CNTFR: variants seen among roughly 807,000 people sequenced by gnomAD.
The protein encoded by CNTFR is ciliary neurotrophic factor receptor subunit alpha.
A neutral mutation model predicts 40.4 loss-of-function variants in CNTFR; 12 were observed. The ratio of observed to expected loss-of-function variants is 0.30; its 90% CI spans 0.19 to 0.48. The LOEUF is 0.48. CNTFR is among the 20% of genes least tolerant of loss of function. CNTFR has a pLI of 0.99. For synonymous variants in CNTFR, 202 were observed against 209.6 expected, an observed-to-expected ratio of 0.96 and a Z score of 0.31; for missense variants, 414 against 506.8, an observed-to-expected ratio of 0.82 and a Z score of 1.76.
intron 3 of CNTFR, among the ~76,000 whole-genome samples, chr9:34,566,698 G>A (rs1412190923): frequency 2.0e-5 from 3 of 152,172 alleles, no homozygotes; most frequent in African/African-American, 4.8e-5. Context: ...GGTCCCAGCA[G>A]CAACACATCA....
rs754474196 is a variant in CNTFR at position 34,557,561 on chromosome 9, T to C, written c.569A>G (p.Asn190Ser). ...CTCGTCAAAGGTGATAGCTGTGGCA[T>C]TGTGGCCCAGGGCATTGCTGACACT... ...SISVSNALGH[N>S]ATAITFDEFT... The change falls in exon 6 of 10, where the codon AAT (asparagine) becomes AGT (serine). Residue 190 changes from asparagine to serine, a missense_variant. This residue lies in a region of CNTFR where 250 missense variants were observed against 269.5 expected (regional missense o/e 0.93). Coordinates refer to ENST00000378980, the MANE Select transcript of CNTFR (RefSeq NM_147164.3). The surrounding 1 kb of genome is among the most constrained non-coding windows in gnomAD (Gnocchi z 4.2). 1.9e-6 allele frequency: 3 copies of C among 1,614,126 alleles called. No individual in the cohort carries two copies. Among genetic ancestry groups the C allele is most frequent in the East Asian group, 2.2e-5 (1 of 44,880 alleles).
chr9:34,554,455 C>T (rs906917016), intron 7 of CNTFR, among the ~76,000 whole-genome samples: 43 of 152,180 alleles, frequency 2.8e-4, no homozygotes, highest in Non-Finnish European at 5.4e-4. Context: ...CAGGATCCTT[C>T]TTGCTAGGTT....
At chr9:34,570,573 A>G (rs551051036) in intron 2 of CNTFR, among the ~76,000 whole-genome samples, 1 of 152,316 alleles carries the variant, frequency 6.6e-6, no homozygotes, top group African/African-American at 2.4e-5. Flanking sequence ...TTGAGAGAAG[A>G]GCCAGAGCCA....
intron 7 of CNTFR, among the ~76,000 whole-genome samples, chr9:34,555,116 G>A (rs892764760): frequency 3.3e-5 from 5 of 152,236 alleles, no homozygotes; most frequent in East Asian, 1.9e-4. Context: ...CGCGACGCGC[G>A]GGGCTGCTGC....
intron 4 of CNTFR, among the ~76,000 whole-genome samples, chr9:34,563,422 G>A (rs549885349): frequency 3.3e-5 from 5 of 152,338 alleles, no homozygotes; most frequent in Non-Finnish European, 5.9e-5. Context: ...TCAGGTGCAC[G>A]TTCTGCATCT....
rs971028514 is a variant in CNTFR, at chr9:34,581,199, C to T, written c.-105G>A. 1 of 152,844 alleles carries T rather than the reference C, an allele frequency of 6.5e-6. No homozygotes were observed. Among genetic ancestry groups the T allele is most frequent in the African/African-American group, 2.4e-5 (1 of 41,442 alleles). 9.5% of individuals were successfully genotyped at this position (152,844 alleles called of 1,614,324 possible). ...AAGGGGGCAAGATGAGGTGACAAGGCTAGAGTCTAGAAGGGCAAAGGGCAC... is the reference window on the plus strand; with the variant it reads ...AAGGGGGCAAGATGAGGTGACAAGGTTAGAGTCTAGAAGGGCAAAGGGCAC... On this transcript the variant is annotated 5_prime_UTR_variant, in exon 2 of 10. Coordinates refer to ENST00000378980, the MANE Select transcript of CNTFR (RefSeq NM_147164.3).
intron 2 of CNTFR, among the ~76,000 whole-genome samples, chr9:34,576,902 C>T (rs764039642): frequency 9.2e-5 from 14 of 152,222 alleles, no homozygotes; most frequent in South Asian, 2.1e-4. Context: ...AACTGTCTAG[C>T]GGGCACCCAG....
chr9:34,561,158 T>G (rs1826056892), intron 4 of CNTFR, among the ~76,000 whole-genome samples: 1 of 152,070 alleles, frequency 6.6e-6, no homozygotes, highest in African/African-American at 2.4e-5. Context: ...GCATTCCAAC[T>G]TCTGGACTCC....
At chr9:34,590,333 C>A (rs1365979964), upstream of CNTFR, among the ~76,000 whole-genome samples, 1 of 152,216 alleles carries the variant, frequency 6.6e-6, no homozygotes. Context: ...GCACCGACTC[C>A]CTGGCACACC....
chr9:34,561,491 C>T (rs931359186), intron 4 of CNTFR, among the ~76,000 whole-genome samples: 3 of 152,084 alleles, frequency 2.0e-5, no homozygotes, highest in African/African-American at 4.8e-5. Flanking sequence ...GGGGTCCTTC[C>T]GTCATCCTAG....
intron 2 of CNTFR, among the ~76,000 whole-genome samples, chr9:34,577,057 C>T (rs1206487290): frequency 6.6e-6 from 1 of 152,202 alleles, no homozygotes; most frequent in African/African-American, 2.4e-5. Flanking sequence ...GGGGAGCAGG[C>T]AGAGCCAGCG....
chr9:34,566,571 G>A (rs1473239607), intron 3 of CNTFR, among the ~76,000 whole-genome samples: 2 of 152,026 alleles, frequency 1.3e-5, no homozygotes, highest in Non-Finnish European at 2.9e-5. Flanking sequence ...CAAAAACCTG[G>A]AGCTTCCAGG....
chr9:34,556,431 C>G lies in CNTFR; in HGVS notation c.605-13G>C. The G allele has an allele frequency of 6.3e-7, 1 of 1,590,412 alleles. No individual in the cohort carries two copies. The highest frequency in any genetic ancestry group is 8.6e-7 in the Non-Finnish European group (1 of 1,166,488). ...GGATCAGGCTTCACTGTTCAGGAGA[C>G]ATAGCTTCATTACTACACTAATCAC... On this transcript the variant is annotated splice_polypyrimidine_tract_variant and intron_variant, in intron 6 of 9. Transcript: ENST00000378980.
chr9:34,557,631 G>T lies in CNTFR; in HGVS notation c.499C>A (p.Arg167Ser). The T allele has an allele frequency of 6.2e-7, 1 of 1,614,218 alleles. No homozygotes were observed. Among genetic ancestry groups the T allele is most frequent in the Non-Finnish European group, 8.5e-7 (1 of 1,180,026 alleles). ...ATGGTGGAGAACAGGTGCATGTAGC[G>T]AATGTGGCAGCGGTTCTTGAGGGCT... is the stretch of plus-strand genomic sequence containing the variant. The part of the protein sequence containing the change: ...DPALKNRCHI[R>S]YMHLFSTIKY... The change falls in exon 6 of 10, where the codon CGC (arginine) becomes AGC (serine). Residue 167 changes from arginine to serine, a missense_variant. By Grantham distance (110) the Arg-to-Ser change is moderately radical (BLOSUM62 -1). Transcript: ENST00000378980. The surrounding 1 kb of genome is among the most constrained non-coding windows in gnomAD (Gnocchi z 4.2).
chr9:34,560,650 TAAAG>T (rs1237169172), intron 4 of CNTFR, among the ~76,000 whole-genome samples: 1 of 152,214 alleles, frequency 6.6e-6, no homozygotes, highest in Non-Finnish European at 1.5e-5. Flanking sequence ...GAGTGCATGT[TAAAG>T]AGAGTGTGTG....
At chr9:34,571,294 C>A (rs990670144) in intron 2 of CNTFR, 1 of 152,558 alleles carries the variant, frequency 6.6e-6, no homozygotes, top group Non-Finnish European at 1.5e-5. Context: ...GGCCAGTCGC[C>A]CTCACACCCT....
At chr9:34,553,197 C>T (rs574804327) in intron 7 of CNTFR, among the ~76,000 whole-genome samples, 11 of 152,246 alleles carry the variant, frequency 7.2e-5, no homozygotes, top group African/African-American at 2.2e-4. Flanking sequence ...GGCTGAATCC[C>T]GACCACAGTC....
At chr9:34,576,534 G>A (rs945019857) in intron 2 of CNTFR, among the ~76,000 whole-genome samples, 1 of 152,202 alleles carries the variant, frequency 6.6e-6, no homozygotes, top group African/African-American at 2.4e-5. Context: ...AGAAAGCCTA[G>A]GGATGCCTAG....
chr9:34,557,866 C>T lies in CNTFR; in HGVS notation c.437+1G>A, dbSNP rs1825913541. The stretch of plus-strand genomic sequence containing the variant: ...CCCGGGTCACAGGCGCAGCTACTCA[C>T]AGCACAGTCACATTGAAGGTGTTGG... On this transcript the variant is annotated splice_donor_variant, in intron 5 of 9. Transcript: ENST00000378980. LOFTEE classifies it high-confidence loss of function. This position sits in a 1 kb window ranked among gnomAD's most constrained non-coding sequence, Gnocchi z 4.2. The T allele has an allele frequency of 1.3e-6, 2 of 1,561,644 alleles. No individual in the cohort carries two copies. Among genetic ancestry groups the T allele is most frequent in the Admixed American group, 3.7e-5 (2 of 54,758 alleles).
Sources: allele counts gnomAD v4.1 joint callset (sites outside exome capture counted in the v4.1 genomes callset), GRCh38; gene constraint gnomAD v4.1.1; regional missense constraint gnomAD v4.1.1; non-coding constraint Gnocchi (gnomAD v3.1); transcripts MANE v1.5; gene names NCBI Gene and HGNC (gene_info 2026-07-23, HGNC 2026-07-21).